NEB: variants seen among roughly 807,000 people sequenced by gnomAD.
NEB encodes the protein nemaline myopathy type 2.
In NEB, 512 loss-of-function variants were observed where a neutral mutation model predicts 952.2. That is an observed-to-expected ratio of 0.54 (90% confidence interval 0.50 to 0.58). The LOEUF (loss-of-function observed/expected upper bound fraction) is 0.58. Among genes scored for constraint, NEB ranks in the 20% least tolerant of loss-of-function variants. The probability of loss-of-function intolerance (pLI) is 0.00; values close to 1 mark genes in which losing one functional copy is unlikely to be tolerated. For missense variants in NEB, 8,428 were observed against 9,231.1 expected, an observed-to-expected ratio of 0.91 and a Z score of 3.56; for synonymous variants, 2,900 against 3,149.8, an observed-to-expected ratio of 0.92 and a Z score of 2.66.
chr2:151,546,567 T>C (rs2153609898), intron 133 of NEB, 124 bp from the exon 134 acceptor site: 1 of 611,792 alleles, frequency 1.6e-6, no homozygotes, highest in East Asian at 2.9e-5. Flanking sequence ...CTTTTTTTTT[T>C]TTTTTTTTGA....
At chr2:151,529,430 G>T in intron 145 of NEB, 116 bp from the exon 146 acceptor site, 1 of 709,714 alleles carries the variant, frequency 1.4e-6, no homozygotes, top group Non-Finnish European at 2.4e-6. Context: ...CCTTAAGACG[G>T]AATTTTAAAA....
At chr2:151,497,101 G>A in intron 171 of NEB, 68 bp from the exon 172 acceptor site, 1 of 1,506,546 alleles carries the variant, frequency 6.6e-7, no homozygotes, top group Non-Finnish European at 9.0e-7. Flanking sequence ...AGGTTTTAAG[G>A]GTAAGGTCAG....
chr2:151,640,956 A>C (rs765235527), intron 60 of NEB, among the ~76,000 whole-genome samples: 114 of 152,034 alleles, frequency 7.5e-4, no homozygotes, highest in Non-Finnish European at 1.3e-3. Flanking sequence ...TAATTTTTAG[A>C]TGTATAAATT....
rs758348011 is a variant in NEB, at chr2:151,619,710, C to T, written c.10613G>A (p.Arg3538Gln). 12 of 1,613,672 alleles carry T rather than the reference C, an allele frequency of 7.4e-6. No individual in the cohort carries two copies. The highest frequency in any genetic ancestry group is 4.4e-5 in the South Asian group (4 of 91,056). Reference protein sequence around the residue: ...RKQLGHHIGARAVHDDPKIMW... With the variant: ...RKQLGHHIGAQAVHDDPKIMW... ...TATCTTGGGGTCATCGTGTACTGCT[C>T]GGGCGCCAATGTGGTGACCCAACTG... is the stretch of plus-strand genomic sequence containing the variant. The change falls in exon 73 of 182, where the codon CGA becomes CAA. Residue 3538 changes from arginine to glutamine, a missense_variant. Physicochemically the swap from Arg to Gln is conservative, Grantham distance 43. Transcript: ENST00000397345.
Position 151,662,336 on chromosome 2 carries a change from C to A in NEB, c.5769G>T (p.Gln1923His). The A allele has an allele frequency of 1.9e-6, 3 of 1,566,126 alleles. No individual in the cohort carries two copies. The highest frequency in any genetic ancestry group is 2.6e-6 in the Non-Finnish European group (3 of 1,154,794). ...TGAAGTCAGCATAGTCAGCCTTGTA[C>A]TGATTCTGCAAAAGAGGAAAAATTA... ...KNMMQIQSDN[Q>H]YKADYADFMK... The change falls in exon 46 of 182, where the codon CAG (glutamine) becomes CAT (histidine). Residue 1923 changes from glutamine to histidine, a missense_variant. By Grantham distance (24) the Gln-to-His change is conservative (BLOSUM62 0). This residue lies in a region of NEB where 2,851 missense variants were observed against 2,791.5 expected (regional missense o/e 1.02). Transcript: ENST00000397345.
At chr2:151,663,907 A>G in intron 44 of NEB, 48 bp from the exon 45 acceptor site, 2 of 1,545,584 alleles carry the variant, frequency 1.3e-6, no homozygotes, top group Non-Finnish European at 8.9e-7. Flanking sequence ...AAAAGAGAAC[A>G]AAGTACCATT....
chr2:151,538,184 G>C lies in NEB; in HGVS notation c.20953C>G (p.Leu6985Val). 3 of 1,613,130 alleles carry C rather than the reference G, an allele frequency of 1.9e-6. No individual in the cohort carries two copies. Among genetic ancestry groups the C allele is most frequent in the Non-Finnish European group, 2.5e-6 (3 of 1,179,200 alleles). ...KGKYHTVKDA[L>V]DIVYHRKVTD... The stretch of plus-strand genomic sequence containing the variant: ...ACTTTGCGATGATAGACAATGTCTA[G>C]GGCATCTTTCACCGTGTGGTATTTC... The change falls in exon 139 of 182, where the codon CTA becomes GTA. Residue 6985 changes from leucine (L) to valine (V), a missense_variant. Around this residue, in one of 11 missense-constraint regions of NEB, gnomAD observed 3,374 missense variants for 3,651.5 expected, o/e 0.92. Coordinates refer to ENST00000397345, the MANE Select transcript of NEB (RefSeq NM_001164508.2).
At chr2:151,715,990 T>G (rs2150288267) in intron 10 of NEB, 2 of 266,196 alleles carry the variant, frequency 7.5e-6, no homozygotes, top group South Asian at 7.7e-5. Flanking sequence ...AAAGTATCTT[T>G]TAAAATAGAC....
At chr2:151,629,784 A>T in intron 67 of NEB, 138 bp from the exon 68 acceptor site, 1 of 652,318 alleles carries the variant, frequency 1.5e-6, no homozygotes, top group South Asian at 1.8e-5. Flanking sequence ...AGTGGAAAGC[A>T]AATAAATTAT....
chr2:151,516,588 TA>T (rs1349548565), intron 156 of NEB, 25 bp from the exon 157 acceptor site: 1 of 1,454,166 alleles, frequency 6.9e-7, no homozygotes. Flanking sequence ...CCATGTTAGA[TA>T]TCTCTCCTCT....
At position 151,627,847 on chromosome 2, in the gene NEB, T is replaced by C. The variant is rs1373108554; in HGVS notation, c.9832-13A>G. The stretch of plus-strand genomic sequence containing the variant: ...CTTTGTATTTGTACTGAAATAAAGG[T>C]GGTCATTTCAAAAATAAAAATGAAT... On this transcript the variant is annotated splice_polypyrimidine_tract_variant and intron_variant, in intron 68 of 181. Coordinates refer to ENST00000397345, the MANE Select transcript of NEB (RefSeq NM_001164508.2). The C allele has an allele frequency of 6.2e-7, 1 of 1,600,904 alleles. No homozygotes were observed. The highest frequency in any genetic ancestry group is 1.3e-5 in the African/African-American group (1 of 74,372).
intron 54 of NEB, among the ~76,000 whole-genome samples, 157 bp downstream of exon 54, chr2:151,650,019 A>G (rs2099013222): frequency 6.6e-6 from 1 of 152,218 alleles, no homozygotes; most frequent in Non-Finnish European, 1.5e-5. Context: ...TCAGTGTAGG[A>G]TAGTTGCTAA....
At chr2:151,723,930 A>G (rs2099783169) in intron 8 of NEB, among the ~76,000 whole-genome samples, 1 of 152,012 alleles carries the variant, frequency 6.6e-6, no homozygotes, top group African/African-American at 2.4e-5. Context: ...GGGACATCCA[A>G]AGTATACCAA....
chr2:151,680,701 A>G (rs1376300738), intron 30 of NEB, 29 bp downstream of exon 30: 3 of 1,439,612 alleles, frequency 2.1e-6, no homozygotes, highest in Non-Finnish European at 2.9e-6. Flanking sequence ...GTTAACATCT[A>G]TTAACATATA....
intron 12 of NEB, 83 bp downstream of exon 12, chr2:151,709,573 T>C: frequency 1.9e-6 from 2 of 1,066,268 alleles, no homozygotes; most frequent in Non-Finnish European, 2.8e-6. Context: ...TCCCCTTTTT[T>C]ACTAATTATA....
At chr2:151,495,587 CATAT>C (rs1401484666) in intron 173 of NEB, among the ~76,000 whole-genome samples, 1 of 152,030 alleles carries the variant, frequency 6.6e-6, no homozygotes, top group East Asian at 1.9e-4. Flanking sequence ...AATTTACAAC[CATAT>C]ATAATGTCAC....
chr2:151,724,248 G>A lies in NEB; in HGVS notation c.612+12C>T. 1 of 1,600,364 alleles carries A rather than the reference G, an allele frequency of 6.2e-7. No homozygotes were observed. Among genetic ancestry groups the A allele is most frequent in the South Asian group, 1.1e-5 (1 of 89,696 alleles). On this transcript the variant is annotated intron_variant, in intron 8 of 181. Transcript: ENST00000397345. Reference sequence around the variant, plus strand: ...ATAGGAAGACAGAAGTGGCAATGGAGCAGACCCTTACCTTGCTGAACATGG... The same window carrying A: ...ATAGGAAGACAGAAGTGGCAATGGAACAGACCCTTACCTTGCTGAACATGG...
chr2:151,640,605 C>A lies in NEB; in HGVS notation c.8435G>T (p.Arg2812Leu), dbSNP rs772240430. 44 of 1,613,780 alleles carry A rather than the reference C, an allele frequency of 2.7e-5. No individual in the cohort carries two copies. The highest frequency in any genetic ancestry group is 3.6e-5 in the Non-Finnish European group (43 of 1,179,852). The change falls in exon 61 of 182, where the codon CGT becomes CTT. Residue 2812 changes from arginine to leucine, a missense_variant. Transcript: ENST00000397345. ...LGHHIGARAI[R>L]DDPKMMWSMH... ...GGACCACATCATCTTGGGGTCATCA[C>A]GTATAGCTCGGGCACCAATGTGGTG...
At chr2:151,657,902 C>G in intron 48 of NEB, 81 bp downstream of exon 48, 1 of 943,346 alleles carries the variant, frequency 1.1e-6, no homozygotes, top group Non-Finnish European at 1.7e-6. Flanking sequence ...ATTGTGTCCA[C>G]TCAGTGTTTC....
Sources: allele counts gnomAD v4.1 joint callset (sites outside exome capture counted in the v4.1 genomes callset), GRCh38; gene constraint gnomAD v4.1.1; regional missense constraint gnomAD v4.1.1; transcripts MANE v1.5; gene names NCBI Gene and HGNC (gene_info 2026-07-23, HGNC 2026-07-21).